Variants in TAOK3 observed in about 807,000 individuals in gnomAD.
TAOK3 encodes the protein TAO kinase 3, also known as serine/threonine-protein kinase TAO3.
A neutral mutation model predicts 120.4 loss-of-function variants in TAOK3; 40 were observed. That is an observed-to-expected ratio of 0.33 (90% CI 0.26 to 0.43). TAOK3 has a LOEUF of 0.43. Among genes scored for constraint, TAOK3 ranks in the 20% least tolerant of loss-of-function variants. The probability of loss-of-function intolerance (pLI) is 1.00; values close to 1 mark genes in which losing one functional copy is unlikely to be tolerated. For missense variants in TAOK3, 821 were observed against 1,112.1 expected (o/e 0.74, Z 3.72); for synonymous variants, 355 against 387.5 (o/e 0.92, Z 0.99).
At chr12:118,269,723 C>A (rs1168087572) in intron 1 of TAOK3, among the ~76,000 whole-genome samples, 1 of 152,062 alleles carries the variant, frequency 6.6e-6, no homozygotes, top group African/African-American at 2.4e-5. Flanking sequence ...TCTTTGGTTG[C>A]CAAGCTCTAT....
At position 118,160,824 on chromosome 12, in the gene TAOK3, T is replaced by A. The variant is rs1592979160; in HGVS notation, c.2140-466A>T. Among the ~76,000 whole-genome samples the A allele has an allele frequency of 6.6e-6, 1 of 152,280 alleles. No homozygotes were observed. Among genetic ancestry groups the A allele is most frequent in the South Asian group, 2.1e-4 (1 of 4,826 alleles). Reference sequence around the variant, plus strand: ...TATAAGCCAGCTCTCACTGCTCTGGTTTATAGCAATTTCTTATCAACTCCA... The same window carrying A: ...TATAAGCCAGCTCTCACTGCTCTGGATTATAGCAATTTCTTATCAACTCCA... On this transcript the variant is annotated intron_variant, in intron 18 of 20. Transcript: ENST00000392533. The surrounding 1 kb of genome is among the most constrained non-coding windows in gnomAD (Gnocchi z 4.2).
At chr12:118,327,470 TAAG>T (rs1203459001) in intron 1 of TAOK3, among the ~76,000 whole-genome samples, 2 of 152,208 alleles carry the variant, frequency 1.3e-5, no homozygotes, top group African/African-American at 4.8e-5. Flanking sequence ...AAACATATAT[TAAG>T]AAATAATAAT....
chr12:118,250,751 C>CAAAA (rs1260894192), intron 3 of TAOK3, among the ~76,000 whole-genome samples: 1 of 152,116 alleles, frequency 6.6e-6, no homozygotes, highest in South Asian at 2.1e-4. Flanking sequence ...AACTGCAATT[C>CAAAA]TGATATGTGC....
chr12:118,365,770 C>T (rs1350363464), intron 1 of TAOK3, among the ~76,000 whole-genome samples: 3 of 152,104 alleles, frequency 2.0e-5, no homozygotes, highest in Non-Finnish European at 4.4e-5. Context: ...GTAAATAACA[C>T]GTGTTAACAG....
intron 9 of TAOK3, among the ~76,000 whole-genome samples, chr12:118,222,789 G>A (rs2039300466): frequency 6.6e-6 from 1 of 152,130 alleles, no homozygotes; most frequent in Non-Finnish European, 1.5e-5. Context: ...AAGGGTAGGA[G>A]GGGGTGTGGG....
chr12:118,320,732 G>A (rs887431394), intron 1 of TAOK3, among the ~76,000 whole-genome samples: 14 of 152,114 alleles, frequency 9.2e-5, no homozygotes, highest in African/African-American at 3.4e-4. Flanking sequence ...AACTAAAAGA[G>A]ACTTTACACT....
chr12:118,298,931 C>T (rs2042777725), intron 1 of TAOK3, among the ~76,000 whole-genome samples: 1 of 152,272 alleles, frequency 6.6e-6, no homozygotes, highest in East Asian at 1.9e-4. Context: ...TAAATCTATG[C>T]CAGAGCCCAT....
chr12:118,274,836 T>C (rs2041851826), intron 1 of TAOK3, among the ~76,000 whole-genome samples: 1 of 151,850 alleles, frequency 6.6e-6, no homozygotes. Context: ...TTTCACCATG[T>C]TGGCCAGACT....
intron 19 of TAOK3, among the ~76,000 whole-genome samples, chr12:118,156,230 C>T (rs1447193600): frequency 6.6e-6 from 1 of 152,192 alleles, no homozygotes; most frequent in African/African-American, 2.4e-5. Flanking sequence ...ACTTCTACCG[C>T]TCACATTAAG....
At chr12:118,339,100 TC>T (rs2044493651) in intron 1 of TAOK3, among the ~76,000 whole-genome samples, 4 of 152,076 alleles carry the variant, frequency 2.6e-5, no homozygotes, top group Admixed American at 2.6e-4. Context: ...ATTTGGACTT[TC>T]ACATGAACAA....
chr12:118,244,516 A>ATTTT (rs758480585), intron 4 of TAOK3, among the ~76,000 whole-genome samples: 3 of 144,524 alleles, frequency 2.1e-5, no homozygotes, highest in Non-Finnish European at 3.0e-5. Flanking sequence ...AATTTTGTTA[A>ATTTT]TTTCTTTTTT....
At chr12:118,186,543 C>T (rs1012643365) in intron 14 of TAOK3, among the ~76,000 whole-genome samples, 1 of 152,034 alleles carries the variant, frequency 6.6e-6, no homozygotes, top group African/African-American at 2.4e-5. Flanking sequence ...ATCTCAAAGG[C>T]CCAAGAAGTC....
chr12:118,294,215 C>G (rs1281951515), intron 1 of TAOK3, among the ~76,000 whole-genome samples: 2 of 151,992 alleles, frequency 1.3e-5, no homozygotes, highest in Non-Finnish European at 2.9e-5. Flanking sequence ...GATGTATGTA[C>G]TCATGAAACC....
intron 1 of TAOK3, among the ~76,000 whole-genome samples, chr12:118,320,354 G>C (rs1237533408): frequency 2.6e-5 from 4 of 151,998 alleles, no homozygotes; most frequent in Non-Finnish European, 5.9e-5. Context: ...ACTTTGGGAG[G>C]CTGAGTTGGG....
At chr12:118,163,144 A>G (rs1466419704) in intron 17 of TAOK3, among the ~76,000 whole-genome samples, 1 of 152,184 alleles carries the variant, frequency 6.6e-6, no homozygotes, top group Non-Finnish European at 1.5e-5. Context: ...GCTGGAATTA[A>G]GGCATATAAA....
chr12:118,330,929 T>G (rs1256014537), intron 1 of TAOK3, among the ~76,000 whole-genome samples: 1 of 152,142 alleles, frequency 6.6e-6, no homozygotes, highest in East Asian at 1.9e-4. Flanking sequence ...TTTCCTTTGG[T>G]ATGAAGAACA....
intron 1 of TAOK3, among the ~76,000 whole-genome samples, chr12:118,342,763 G>A (rs779676682): frequency 6.6e-5 from 10 of 151,938 alleles, no homozygotes; most frequent in Non-Finnish European, 1.0e-4. Flanking sequence ...GAGAAACCCT[G>A]TCTTTACAAA....
At chr12:118,164,326 C>A (rs2035437437) in intron 17 of TAOK3, among the ~76,000 whole-genome samples, 1 of 149,816 alleles carries the variant, frequency 6.7e-6, no homozygotes. Flanking sequence ...GACTCCGTCT[C>A]AAAAAAAACA....
At chr12:118,272,621 CAGAA>C (rs1345243115) in intron 1 of TAOK3, among the ~76,000 whole-genome samples, 1 of 151,996 alleles carries the variant, frequency 6.6e-6, no homozygotes, top group African/African-American at 2.4e-5. Context: ...TACTCAATCT[CAGAA>C]AAGTTAAGCA....
Sources: allele counts gnomAD v4.1 joint callset (sites outside exome capture counted in the v4.1 genomes callset), GRCh38; gene constraint gnomAD v4.1.1; non-coding constraint Gnocchi (gnomAD v3.1); transcripts MANE v1.5; gene names NCBI Gene and HGNC (gene_info 2026-07-23, HGNC 2026-07-21).